KALRN: variants seen among roughly 807,000 people sequenced by gnomAD.
KALRN encodes the protein kalirin.
In KALRN, 70 loss-of-function variants were observed where a neutral mutation model predicts 353.7. That is an observed-to-expected ratio of 0.20 (90% confidence interval 0.16 to 0.24). The LOEUF (loss-of-function observed/expected upper bound fraction) is 0.24. KALRN is among the 10% of genes least tolerant of loss of function. KALRN has a pLI of 1.00. For missense variants in KALRN, 2,791 were observed against 3,756.7 expected (o/e 0.74, Z 6.72); for synonymous variants, 1,391 against 1,434.8 (o/e 0.97, Z 0.69).
intron 21 of KALRN, among the ~76,000 whole-genome samples, chr3:124,451,673 C>A (rs2058800885): frequency 6.6e-6 from 1 of 152,126 alleles, no homozygotes; most frequent in African/African-American, 2.4e-5. Context: ...TGTGTCTGAA[C>A]CTCCCAGAAA....
chr3:124,610,170 G>A (rs2077779086), intron 34 of KALRN, among the ~76,000 whole-genome samples: 1 of 152,138 alleles, frequency 6.6e-6, no homozygotes, highest in South Asian at 2.1e-4. Context: ...GAGAGTAGGA[G>A]CAACAAATAA....
intron 1 of KALRN, among the ~76,000 whole-genome samples, chr3:124,180,615 C>T (rs915340738): frequency 6.6e-6 from 1 of 152,124 alleles, no homozygotes; most frequent in African/African-American, 2.4e-5. Flanking sequence ...TCTTAAATGG[C>T]AGAAGAGGAC....
At chr3:124,175,573 C>T (rs1182954551) in intron 1 of KALRN, among the ~76,000 whole-genome samples, 1 of 151,724 alleles carries the variant, frequency 6.6e-6, no homozygotes. Flanking sequence ...GGGTCCAGGC[C>T]TGCTCTCCAG....
chr3:124,316,264 GTC>G (rs1209553937), intron 6 of KALRN, among the ~76,000 whole-genome samples: 1 of 152,118 alleles, frequency 6.6e-6, no homozygotes, highest in East Asian at 1.9e-4. Flanking sequence ...CTCCTACCTG[GTC>G]TCTCTGCCTC....
intron 1 of KALRN, among the ~76,000 whole-genome samples, chr3:124,140,797 G>A (rs192273902): frequency 7.9e-5 from 12 of 152,304 alleles, no homozygotes; most frequent in Middle Eastern, 3.4e-3. Flanking sequence ...GCCCTCCCGG[G>A]GGGGGCACAG....
intron 34 of KALRN, among the ~76,000 whole-genome samples, chr3:124,608,478 G>A (rs2077589292): frequency 6.6e-6 from 1 of 152,180 alleles, no homozygotes; most frequent in Admixed American, 6.5e-5. Flanking sequence ...CAAGGCCCAA[G>A]CACCCAGAGA....
intron 34 of KALRN, among the ~76,000 whole-genome samples, chr3:124,619,270 T>A (rs2079003454): frequency 6.6e-6 from 1 of 152,188 alleles, no homozygotes; most frequent in South Asian, 2.1e-4. Context: ...TAATATTTCA[T>A]TGTCTGTGTA....
intron 5 of KALRN, among the ~76,000 whole-genome samples, chr3:124,277,390 C>T (rs1208197570): frequency 6.6e-6 from 1 of 152,136 alleles, no homozygotes; most frequent in African/African-American, 2.4e-5. Context: ...TGACGGAGCT[C>T]AGGGCAAGGA....
chr3:124,351,696 C>T (rs1395731125), intron 10 of KALRN, among the ~76,000 whole-genome samples: 3 of 152,156 alleles, frequency 2.0e-5, no homozygotes, highest in African/African-American at 7.2e-5. Flanking sequence ...GTAGTAAAGA[C>T]ATTTAGGGCA....
chr3:124,216,413 C>T (rs75456027), intron 1 of KALRN, among the ~76,000 whole-genome samples: 3,472 of 152,232 alleles, frequency 0.023, 129 homozygotes, highest in African/African-American at 0.079. Context: ...TCATAGATCC[C>T]GTTGAAAATC....
chr3:124,287,821 A>G lies in KALRN; in HGVS notation c.970-10970A>G, dbSNP rs372878838. On this transcript the variant is annotated intron_variant, in intron 5 of 59. Coordinates refer to ENST00000682506, the MANE Select transcript of KALRN (RefSeq NM_001388419.1). ...TATATATATATATATATATATATAT[A>G]TATATGTATATAATTTTTATATATT... 6.7e-4 allele frequency among the ~76,000 whole-genome samples: 81 copies of G among 121,322 alleles called. No individual in the cohort carries two copies. In the East Asian group the frequency reaches 9.5e-3, roughly 14 times the overall value. 79.6% of individuals were successfully genotyped at this position (121,322 alleles called of 152,430 possible).
intron 5 of KALRN, among the ~76,000 whole-genome samples, chr3:124,290,532 C>T (rs747386021): frequency 6.6e-6 from 1 of 152,104 alleles, no homozygotes; most frequent in Non-Finnish European, 1.5e-5. Context: ...AAGGAAGCTC[C>T]GGGCTCATTG....
At chr3:124,214,126 C>A (rs1159395936) in intron 1 of KALRN, among the ~76,000 whole-genome samples, 2 of 151,968 alleles carry the variant, frequency 1.3e-5, no homozygotes, top group Non-Finnish European at 2.9e-5. Flanking sequence ...GAGATAACTG[C>A]TGTGTACATA....
intron 51 of KALRN, 49 bp from the exon 52 acceptor site, chr3:124,693,755 T>G: frequency 2.3e-6 from 3 of 1,280,260 alleles, no homozygotes; most frequent in Non-Finnish European, 3.3e-6. Context: ...CTTGTTCTCT[T>G]TTAGTAGTTT....
At chr3:124,544,292 G>A (rs1190452046) in intron 33 of KALRN, among the ~76,000 whole-genome samples, 1 of 152,206 alleles carries the variant, frequency 6.6e-6, no homozygotes, top group African/African-American at 2.4e-5. Flanking sequence ...CAGGTGCAGT[G>A]GCTCATGCCT....
At chr3:124,037,403 A>T (rs2039527383) in intron 1 of KALRN, among the ~76,000 whole-genome samples, 1 of 152,180 alleles carries the variant, frequency 6.6e-6, no homozygotes, top group African/African-American at 2.4e-5. Context: ...ATAGAGGAAG[A>T]TGTAGGTTAG....
At chr3:124,266,404 A>G (rs2073555127) in intron 4 of KALRN, among the ~76,000 whole-genome samples, 1 of 152,174 alleles carries the variant, frequency 6.6e-6, no homozygotes, top group Non-Finnish European at 1.5e-5. Context: ...ATGATGTATT[A>G]CTTTCATAAT....
chr3:124,418,987 G>T (rs537773453), intron 14 of KALRN, among the ~76,000 whole-genome samples: 1 of 151,562 alleles, frequency 6.6e-6, no homozygotes, highest in Non-Finnish European at 1.5e-5. Context: ...CAGGAGAATC[G>T]CTTGAACCCA....
chr3:124,603,153 A>G (rs893316986), intron 34 of KALRN, among the ~76,000 whole-genome samples: 1 of 152,184 alleles, frequency 6.6e-6, no homozygotes, highest in South Asian at 2.1e-4. Context: ...ATACACACAC[A>G]GACTTTTATA....
Sources: allele counts gnomAD v4.1 joint callset (sites outside exome capture counted in the v4.1 genomes callset), GRCh38; gene constraint gnomAD v4.1.1; transcripts MANE v1.5; gene names NCBI Gene and HGNC (gene_info 2026-07-23, HGNC 2026-07-21).